The following LIX1 variants were observed in gnomAD, a reference collection of about 807,000 sequenced individuals.
LIX1 encodes protein limb expression 1 homolog.
Under a neutral mutation model 33.4 loss-of-function variants are expected in LIX1, and 24 were observed. That is an observed-to-expected ratio of 0.72 (90% confidence interval 0.52 to 1.01). The LOEUF is 1.01. Ranked by LOEUF, LIX1 falls within the 50% of genes least tolerant of loss-of-function variation. LIX1 has a pLI of 0.00. For missense variants in LIX1, 311 were observed against 339.2 expected (o/e 0.92, Z 0.65); for synonymous variants, 124 against 124.0 (o/e 1.00, Z 0.00).
chr5:97,140,479 G>C (rs969192133), intron 1 of LIX1, among the ~76,000 whole-genome samples: 2 of 152,170 alleles, frequency 1.3e-5, no homozygotes, highest in Non-Finnish European at 2.9e-5. Flanking sequence ...ATTCAAGGCT[G>C]GTGGCAGCTT....
intron 5 of LIX1, among the ~76,000 whole-genome samples, chr5:97,095,670 T>C (rs1204318295): frequency 1.3e-5 from 2 of 152,234 alleles, no homozygotes; most frequent in Admixed American, 6.5e-5. Flanking sequence ...GTACATTGTC[T>C]TTTACTTTTA....
intron 4 of LIX1, among the ~76,000 whole-genome samples, chr5:97,098,176 C>T (rs1371646624): frequency 6.6e-6 from 1 of 152,196 alleles, no homozygotes; most frequent in Non-Finnish European, 1.5e-5. Context: ...AGAAACTGCT[C>T]AATACTCCTA....
chr5:97,107,381 C>T lies in LIX1; in HGVS notation c.366G>A (p.Gln122=), dbSNP rs373855407. ...ITKEFIMESV[Q]EAVASTSGTL... The stretch of plus-strand genomic sequence containing the variant: ...TCACGCTGGTGGAGGCTACTGCTTC[C>T]TGAACACTTTCCATAATGAATTCCT... The change falls in exon 3 of 6, where the codon CAG becomes CAA. Residue 122 remains glutamine, a synonymous_variant. Coordinates refer to ENST00000274382, the MANE Select transcript of LIX1 (RefSeq NM_153234.5). The T allele has an allele frequency of 8.1e-6, 13 of 1,612,200 alleles. No individual in the cohort carries two copies. The highest frequency in any genetic ancestry group is 1.1e-5 in the Non-Finnish European group (13 of 1,179,996).
rs551417047 is a variant in LIX1 at position 97,099,639 on chromosome 5, C to A, written c.484-2752G>T. ...ATCACTTGAGGTCAGGAGATGGAGA[C>A]CAGCCTGGGCAAAATGGTGAAAACC... On this transcript the variant is annotated intron_variant, in intron 4 of 5. Coordinates refer to ENST00000274382, the MANE Select transcript of LIX1 (RefSeq NM_153234.5). 2.6e-5 allele frequency among the ~76,000 whole-genome samples: 4 copies of A among 151,974 alleles called. No individual in the cohort carries two copies. In the East Asian group the frequency reaches 7.7e-4, roughly 29 times the overall value.
intron 2 of LIX1, among the ~76,000 whole-genome samples, chr5:97,108,670 C>G (rs751781551): frequency 3.9e-5 from 6 of 152,002 alleles, no homozygotes; most frequent in Admixed American, 6.6e-5. Flanking sequence ...TAGGGGGAAA[C>G]AAGAGAAGTC....
intron 3 of LIX1, among the ~76,000 whole-genome samples, chr5:97,105,924 C>T (rs769374063): frequency 1.3e-5 from 2 of 152,306 alleles, no homozygotes; most frequent in Non-Finnish European, 2.9e-5. Flanking sequence ...CCAGCCCTTC[C>T]GTATCCTATG....
At chr5:97,114,478 G>A (rs1276383906) in intron 2 of LIX1, among the ~76,000 whole-genome samples, 1 of 152,162 alleles carries the variant, frequency 6.6e-6, no homozygotes, top group Non-Finnish European at 1.5e-5. Flanking sequence ...GGACCCTATA[G>A]GGTACACTAT....
rs1746298100 is a variant in LIX1 at position 97,094,974 on chromosome 5, A to G, written c.623T>C (p.Leu208Pro). The G allele has an allele frequency of 1.9e-6, 3 of 1,614,020 alleles. No homozygotes were observed. Among genetic ancestry groups the G allele is most frequent in the African/African-American group, 2.7e-5 (2 of 74,912 alleles). The change falls in exon 6 of 6, where the codon CTG (leucine) becomes CCG (proline). Residue 208 changes from leucine (L) to proline (P), a missense_variant. Physicochemically the swap from Leu to Pro is moderately conservative, Grantham distance 98. Coordinates refer to ENST00000274382, the MANE Select transcript of LIX1 (RefSeq NM_153234.5). ...LDEKMRSHMA[L>P]DWIMKERDSP... Reference sequence around the variant, plus strand: ...GTCCCGCTCCTTCATGATCCAGTCCAGGGCCATGTGGCTGCGCATCTTTTC... The same window carrying G: ...GTCCCGCTCCTTCATGATCCAGTCCGGGGCCATGTGGCTGCGCATCTTTTC...
intron 1 of LIX1, 117 bp downstream of exon 1, chr5:97,142,378 T>C: frequency 1.5e-6 from 1 of 686,654 alleles, no homozygotes; most frequent in East Asian, 2.7e-5. Flanking sequence ...AAATATCACT[T>C]AGAACACAGC....
At chr5:97,133,136 G>T (rs1748096518) in intron 1 of LIX1, among the ~76,000 whole-genome samples, 1 of 152,196 alleles carries the variant, frequency 6.6e-6, no homozygotes, top group African/African-American at 2.4e-5. Context: ...GTTTGTTATA[G>T]AAGAGTCCTC....
intron 2 of LIX1, among the ~76,000 whole-genome samples, chr5:97,111,817 G>A (rs772921392): frequency 6.6e-6 from 1 of 152,106 alleles, no homozygotes; most frequent in East Asian, 1.9e-4. Flanking sequence ...GGCACTGCTC[G>A]GGAGATCAAA....
At chr5:97,131,601 A>G (rs1322484934) in intron 1 of LIX1, among the ~76,000 whole-genome samples, 2 of 152,232 alleles carry the variant, frequency 1.3e-5, no homozygotes, top group Non-Finnish European at 2.9e-5. Context: ...TTTAACTCAC[A>G]GCAGACTGGG....
intron 4 of LIX1, among the ~76,000 whole-genome samples, chr5:97,099,794 G>A (rs907537654): frequency 3.3e-5 from 5 of 152,112 alleles, no homozygotes; most frequent in Non-Finnish European, 7.4e-5. Context: ...CTGCGATCGC[G>A]ATACCACACT....
At chr5:97,118,261 T>C (rs187328426) in intron 2 of LIX1, among the ~76,000 whole-genome samples, 114 of 152,330 alleles carry the variant, frequency 7.5e-4, no homozygotes, top group African/African-American at 2.3e-3. Context: ...AAAATAAGAA[T>C]GAAATGCATT....
chr5:97,117,634 C>A (rs1747670369), intron 2 of LIX1, among the ~76,000 whole-genome samples: 1 of 152,138 alleles, frequency 6.6e-6, no homozygotes, highest in Admixed American at 6.6e-5. Flanking sequence ...TCTGGTAATG[C>A]AGATTAAGTT....
At chr5:97,133,888 T>C (rs1748117639) in intron 1 of LIX1, among the ~76,000 whole-genome samples, 1 of 152,228 alleles carries the variant, frequency 6.6e-6, no homozygotes, top group Non-Finnish European at 1.5e-5. Flanking sequence ...AGTTCATTGC[T>C]TAGTTCAATT....
chr5:97,142,449 AC>A, intron 1 of LIX1, 45 bp downstream of exon 1: 1 of 1,310,416 alleles, frequency 7.6e-7, no homozygotes, highest in Non-Finnish European at 1.1e-6. Context: ...GACGTTTAGG[AC>A]TATTTTCTAA....
At chr5:97,100,584 C>T (rs1746642573) in intron 4 of LIX1, among the ~76,000 whole-genome samples, 1 of 152,154 alleles carries the variant, frequency 6.6e-6, no homozygotes, top group African/African-American at 2.4e-5. Context: ...TTCACATTTT[C>T]CCAAAACTAT....
intron 2 of LIX1, among the ~76,000 whole-genome samples, chr5:97,108,791 G>C (rs1194078170): frequency 6.6e-6 from 1 of 152,106 alleles, no homozygotes; most frequent in African/African-American, 2.4e-5. Flanking sequence ...AAATAGGGAG[G>C]CTAGGCTGTC....
Sources: allele counts gnomAD v4.1 joint callset (sites outside exome capture counted in the v4.1 genomes callset), GRCh38; gene constraint gnomAD v4.1.1; transcripts MANE v1.5; gene names NCBI Gene and HGNC (gene_info 2026-07-23, HGNC 2026-07-21).